SPINK5: variants seen among roughly 807,000 people sequenced by gnomAD.
The protein encoded by SPINK5 is serine protease inhibitor Kazal-type 5.
SPINK5 carries 125 observed loss-of-function variants against 151.8 expected under a neutral mutation model. The ratio of observed to expected loss-of-function variants is 0.82; its 90% CI spans 0.71 to 0.96. SPINK5 has a LOEUF of 0.96. Among genes scored for constraint, SPINK5 ranks in the 40% least tolerant of loss-of-function variants. The pLI, the probability that SPINK5 is intolerant of heterozygous loss-of-function variation, is 0.00. For missense variants in SPINK5, 1,194 were observed against 1,291.9 expected, an observed-to-expected ratio of 0.92 and a Z score of 1.16; for synonymous variants, 374 against 395.3, an observed-to-expected ratio of 0.95 and a Z score of 0.64.
chr5:148,067,864 C>T (rs893352822), intron 2 of SPINK5, among the ~76,000 whole-genome samples: 3 of 152,136 alleles, frequency 2.0e-5, no homozygotes, highest in Admixed American at 1.3e-4. Context: ...ATCCTCCTCC[C>T]TTTGCATCCA....
chr5:148,131,208 C>A (rs777405973), intron 30 of SPINK5, 51 bp from the exon 31 acceptor site: 3 of 1,610,392 alleles, frequency 1.9e-6, no homozygotes, highest in Non-Finnish European at 2.5e-6. Context: ...TAAGCCCACC[C>A]CTCTTCTTGA....
At chr5:148,067,052 G>A (rs17704570) in intron 2 of SPINK5, among the ~76,000 whole-genome samples, 2,743 of 152,276 alleles carry the variant, frequency 0.018, 38 homozygotes, top group Middle Eastern at 0.031. Context: ...ATAAAAGCAT[G>A]TTAAATGTCA....
chr5:148,118,315 C>A, intron 22 of SPINK5, 122 bp from the exon 23 acceptor site: 2 of 1,464,772 alleles, frequency 1.4e-6, no homozygotes, highest in East Asian at 2.4e-5. Flanking sequence ...CCGTACCCGG[C>A]AATGTTATGT....
intron 17 of SPINK5, among the ~76,000 whole-genome samples, chr5:148,107,745 C>T (rs1753819271): frequency 6.6e-6 from 1 of 152,100 alleles, no homozygotes; most frequent in Non-Finnish European, 1.5e-5. Flanking sequence ...CTTGTTAAGC[C>T]AGGTTCATGG....
Position 148,096,898 on chromosome 5 carries a change from A to G in SPINK5, c.883-969A>G, listed in dbSNP as rs139447534. 2.3e-3 allele frequency among the ~76,000 whole-genome samples: 351 copies of G among 151,700 alleles called. 1 individual carries two copies. Among genetic ancestry groups the G allele is most frequent in the African/African-American group, 8.1e-3 (334 of 41,378 alleles). On this transcript the variant is annotated intron_variant, in intron 10 of 32. Transcript: ENST00000256084. Reference sequence around the variant, plus strand: ...CTCAGCTTTCCAAAGTGCTAAGATTACAGGCATGAGCCACTACACATAGCT... The same window carrying G: ...CTCAGCTTTCCAAAGTGCTAAGATTGCAGGCATGAGCCACTACACATAGCT...
chr5:148,126,881 C>A, intron 29 of SPINK5, 102 bp from the exon 30 acceptor site: 2 of 1,006,228 alleles, frequency 2.0e-6, no homozygotes, highest in Non-Finnish European at 2.9e-6. Context: ...CGTGAACTAC[C>A]ATGCCTGGCC....
intron 5 of SPINK5, among the ~76,000 whole-genome samples, chr5:148,088,163 G>A (rs2113060916): frequency 6.6e-6 from 1 of 151,860 alleles, no homozygotes; most frequent in South Asian, 2.1e-4. Context: ...ATAGTGGGAT[G>A]TTAGATAATA....
At position 148,130,944 on chromosome 5, in the gene SPINK5, C is replaced by T. The variant is rs919829707; in HGVS notation, c.2965-315C>T. Among the ~76,000 whole-genome samples, 6 of 152,144 alleles carry T rather than the reference C, an allele frequency of 3.9e-5. No homozygotes were observed. In the East Asian group the frequency reaches 1.2e-3, roughly 29 times the overall value. On this transcript the variant is annotated intron_variant, in intron 30 of 32. Transcript: ENST00000256084. ...TTAAAAAGGCGAATATTATTTCTGG[C>T]ATGCCTATCATTCTAGATTTCTTCT...
chr5:148,108,708 G>C lies in SPINK5; in HGVS notation c.1608-45G>C, dbSNP rs569773385. The C allele has an allele frequency of 6.3e-6, 10 of 1,599,488 alleles. No homozygotes were observed. The South Asian group carries it at 8.9e-5, about 14-fold the overall frequency. On this transcript the variant is annotated intron_variant, in intron 17 of 32. Coordinates refer to ENST00000256084, the MANE Select transcript of SPINK5 (RefSeq NM_006846.4). ...CCTTTTAAAAATGTACTACCAAAAA[G>C]AGTAGGGAATCATATTCAGCCTATA... is the stretch of plus-strand genomic sequence containing the variant.
rs1231201115 is a variant in SPINK5, at chr5:148,124,802, G to A, written c.2704G>A (p.Glu902Lys). The A allele has an allele frequency of 6.2e-7, 1 of 1,607,332 alleles. No individual in the cohort carries two copies. The highest frequency in any genetic ancestry group is 1.1e-5 in the South Asian group (1 of 89,940). ...EANERKKKDE[E>K]KSSSKPSNNA... ...TAATGAAAGAAAAAAGAAAGATGAA[G>A]AGAAATCAAGTAGCAAGCCCTCAAA... Residue 902 changes from glutamate (E) to lysine (K), a missense_variant, in exon 28 of 33, where the codon GAG becomes AAG. Physicochemically the swap from Glu to Lys is moderately conservative, Grantham distance 56 (BLOSUM62 1). Coordinates refer to ENST00000256084, the MANE Select transcript of SPINK5 (RefSeq NM_006846.4).
At position 148,106,911 on chromosome 5, in the gene SPINK5, G is replaced by A; in HGVS notation, c.1480-126G>A. The A allele has an allele frequency of 3.3e-6, 4 of 1,213,922 alleles. No individual in the cohort carries two copies. The South Asian group carries it at 3.8e-5, about 12-fold the overall frequency. The allele number at this position is 1,213,922 out of a possible 1,614,324, so 75.2% of individuals were successfully genotyped here. A position where few individuals can be genotyped will look rare whatever the true frequency, so the allele number is the denominator to read the frequency against. ...GACGGAAGCTTTGTAAATACTTACT[G>A]ATTTACTACTATGTGTTATCACTTT... On this transcript the variant is annotated intron_variant, in intron 16 of 32. Coordinates refer to ENST00000256084, the MANE Select transcript of SPINK5 (RefSeq NM_006846.4).
chr5:148,115,556 C>T (rs746358372), intron 21 of SPINK5, among the ~76,000 whole-genome samples: 1 of 151,994 alleles, frequency 6.6e-6, no homozygotes, highest in African/African-American at 2.4e-5. Context: ...GGCTAGAAGG[C>T]GAGTGGATCA....
intron 2 of SPINK5, among the ~76,000 whole-genome samples, chr5:148,069,471 GAGAGAGAGAA>G (rs199650759): frequency 5.2e-4 from 78 of 149,576 alleles, no homozygotes; most frequent in Non-Finnish European, 8.7e-4. Flanking sequence ...AATTACCAGA[GAGAGAGAGAA>G]AGAGAGAGAA....
At chr5:148,102,464 A>G (rs761199548) in intron 15 of SPINK5, among the ~76,000 whole-genome samples, 10 of 152,216 alleles carry the variant, frequency 6.6e-5, no homozygotes, top group Admixed American at 3.3e-4. Context: ...CAATGTATAC[A>G]TATACCAAAC....
chr5:148,111,997 T>C, intron 19 of SPINK5, 102 bp downstream of exon 19: 1 of 1,562,116 alleles, frequency 6.4e-7, no homozygotes, highest in South Asian at 1.1e-5. Context: ...AGATAGATAA[T>C]AAAGGCTGTC....
Position 148,137,350 on chromosome 5 carries a change from A to ATCT in SPINK5, c.*359_*360insTCT. On this transcript the variant is annotated 3_prime_UTR_variant, in exon 33 of 33. Coordinates refer to ENST00000256084, the MANE Select transcript of SPINK5 (RefSeq NM_006846.4). ...TATTTGCTTTTAAAGAAACTGAATA[A>ATCT]ACTCTACCCTTTTGTCTTTTTGTGT... The ATCT allele has an allele frequency of 6.8e-6, 2 of 292,450 alleles. No homozygotes were observed. The highest frequency in any genetic ancestry group is 1.2e-5 in the Non-Finnish European group (2 of 165,494). 18.1% of individuals were successfully genotyped at this position (292,450 alleles called of 1,614,324 possible).
chr5:148,124,096 T>C, intron 27 of SPINK5, 136 bp downstream of exon 27: 2 of 1,032,116 alleles, frequency 1.9e-6, no homozygotes, highest in Non-Finnish European at 2.9e-6. Flanking sequence ...GAAGAGACAA[T>C]TTCCAAAGCA....
rs35877540 is a variant in SPINK5 at position 148,111,839 on chromosome 5, T to G, written c.1764T>G (p.Ile588Met). 1.7e-3 allele frequency: 2,793 copies of G among 1,614,024 alleles called. 50 individuals carry two copies. In the African/African-American group the frequency reaches 0.033, roughly 19 times the overall value. The part of the protein sequence containing the change: ...RLPCTRENDP[I>M]EGLDGKIHGN... Reference sequence around the variant, plus strand: ...CCTGTACCAGAGAGAATGATCCTATTGAGGGTCTAGATGGGAAAATCCACG... The same window carrying G: ...CCTGTACCAGAGAGAATGATCCTATGGAGGGTCTAGATGGGAAAATCCACG... The change falls in exon 19 of 33, where the codon ATT (isoleucine) becomes ATG (methionine). Residue 588 changes from isoleucine to methionine, a missense_variant. Transcript: ENST00000256084.
intron 26 of SPINK5, among the ~76,000 whole-genome samples, chr5:148,121,610 A>G (rs1195858698): frequency 6.6e-6 from 1 of 151,344 alleles, no homozygotes; most frequent in Non-Finnish European, 1.5e-5. Flanking sequence ...AATTTTGAAC[A>G]GAAAAATGCT....
Sources: allele counts gnomAD v4.1 joint callset (sites outside exome capture counted in the v4.1 genomes callset), GRCh38; gene constraint gnomAD v4.1.1; transcripts MANE v1.5; gene names NCBI Gene and HGNC (gene_info 2026-07-23, HGNC 2026-07-21).